CEP290: variants seen among roughly 807,000 people sequenced by gnomAD.
CEP290 encodes the protein centrosomal protein 290.
In CEP290, 317 loss-of-function variants were observed where a neutral mutation model predicts 344.9. That is an observed-to-expected ratio of 0.92 (90% CI 0.84 to 1.01). The LOEUF (loss-of-function observed/expected upper bound fraction) is 1.01, where lower values mean the gene tolerates loss of function less well. CEP290 is among the 50% of genes least tolerant of loss of function. CEP290 has a pLI of 0.00. For synonymous variants in CEP290, 932 were observed against 895.8 expected (o/e 1.04, Z -0.72); for missense variants, 2,754 against 2,761.4 (o/e 1.00, Z 0.06).
chr12:88,099,196 G>C (rs1411288119), intron 26 of CEP290, among the ~76,000 whole-genome samples: 5 of 151,972 alleles, frequency 3.3e-5, no homozygotes, highest in Non-Finnish European at 5.9e-5. Context: ...AATTACATTT[G>C]GAAAACAAAA....
chr12:88,070,901 T>C (rs1041034262), intron 43 of CEP290, among the ~76,000 whole-genome samples: 4 of 152,034 alleles, frequency 2.6e-5, no homozygotes, highest in African/African-American at 9.7e-5. Flanking sequence ...GAACTAATGG[T>C]ACATAGCTCA....
Position 88,090,794 on chromosome 12 carries a change from C to A in CEP290, c.3507G>T (p.Leu1169Phe). ...SDIARRQVEILNAQQQSRDKE... is the reference protein window; with the variant it reads ...SDIARRQVEIFNAQQQSRDKE... ...TGTCCCTAGATTGTTGTTGTGCATT[C>A]AAAATTTCAACTTGTCTTCTGGCAA... The change falls in exon 30 of 54, where the codon TTG (leucine) becomes TTT (phenylalanine). Residue 1169 changes from leucine (L) to phenylalanine (F), a missense_variant. Leu to Phe is a conservative substitution (Grantham distance 22). Transcript: ENST00000552810. 6.4e-7 allele frequency: 1 copy of A among 1,561,566 alleles called. No homozygotes were observed.
chr12:88,114,661 A>G (rs1592619465), intron 19 of CEP290, 99 bp from the exon 20 acceptor site: 1 of 1,005,264 alleles, frequency 9.9e-7, no homozygotes, highest in East Asian at 2.9e-5. Context: ...CAAAGACATC[A>G]TTGGAAAAAT....
At chr12:88,103,971 G>A (rs1175386341) in intron 25 of CEP290, 1 of 151,690 alleles carries the variant, frequency 6.6e-6, no homozygotes, top group Non-Finnish European at 1.5e-5. Context: ...TTCAATTGTT[G>A]GGAGAAAAAA....
chr12:88,131,136 G>A, intron 7 of CEP290, 29 bp downstream of exon 7: 1 of 1,467,966 alleles, frequency 6.8e-7, no homozygotes, highest in South Asian at 1.4e-5. Flanking sequence ...TACCTTTGTT[G>A]AACCACCACA....
At chr12:88,081,556 G>A (rs576596124) in intron 37 of CEP290, among the ~76,000 whole-genome samples, 1 of 152,228 alleles carries the variant, frequency 6.6e-6, no homozygotes, top group South Asian at 2.1e-4. Flanking sequence ...GTTACTCTTT[G>A]AGGCTTCTTG....
At chr12:88,085,954 T>C (rs2036543964) in intron 34 of CEP290, 85 bp downstream of exon 34, 6 of 1,237,998 alleles carry the variant, frequency 4.8e-6, no homozygotes, top group East Asian at 2.6e-5. Context: ...ATTCTATGCA[T>C]TGCCCTCATA....
chr12:88,116,882 G>C (rs1242086264), intron 18 of CEP290, 151 bp downstream of exon 18: 1 of 438,958 alleles, frequency 2.3e-6, no homozygotes, highest in East Asian at 4.8e-5. Flanking sequence ...GCTGAGGCAG[G>C]AGAATGGCAT....
intron 22 of CEP290, among the ~76,000 whole-genome samples, chr12:88,109,600 A>G (rs2038533624): frequency 6.6e-6 from 1 of 152,150 alleles, no homozygotes; most frequent in Non-Finnish European, 1.5e-5. Context: ...ACACTTGGCA[A>G]TCATTTTTAC....
chr12:88,121,512 T>A (rs901842867), intron 13 of CEP290, among the ~76,000 whole-genome samples: 1 of 151,676 alleles, frequency 6.6e-6, no homozygotes, highest in African/African-American at 2.4e-5. Context: ...GCTTGACACG[T>A]GGCCATTTGA....
chr12:88,141,194 C>G lies in CEP290; in HGVS notation c.102+12G>C. The stretch of plus-strand genomic sequence containing the variant: ...TAATGTATATATCTATTATTATTGA[C>G]CAATTAAGCACCTTGGATAAGGAAA... On this transcript the variant is annotated intron_variant, in intron 2 of 53. Coordinates refer to ENST00000552810, the MANE Select transcript of CEP290 (RefSeq NM_025114.4). 6.4e-6 allele frequency: 10 copies of G among 1,572,172 alleles called. No homozygotes were observed. The highest frequency in any genetic ancestry group is 8.7e-6 in the Non-Finnish European group (10 of 1,154,234).
intron 37 of CEP290, 58 bp from the exon 38 acceptor site, chr12:88,080,453 C>T: frequency 7.9e-6 from 10 of 1,263,516 alleles, no homozygotes; most frequent in South Asian, 1.4e-5. Context: ...TTTTTGAGAC[C>T]CAGTCTCACT....
At chr12:88,127,041 T>C (rs1036210364) in intron 11 of CEP290, among the ~76,000 whole-genome samples, 1 of 150,128 alleles carries the variant, frequency 6.7e-6, no homozygotes, top group South Asian at 2.1e-4. Flanking sequence ...TATTAAAACA[T>C]ACACAAATTA....
Position 88,086,355 on chromosome 12 carries a change from T to C in CEP290, c.4302+36A>G, listed in dbSNP as rs200189677. On this transcript the variant is annotated intron_variant, in intron 33 of 53. Coordinates refer to ENST00000552810, the MANE Select transcript of CEP290 (RefSeq NM_025114.4). ...TTCTGTGAGTTAACACTCTAGACTA[T>C]GCTACAGAGTAACAAACAAGATTAA... 652 of 1,524,124 alleles carry C rather than the reference T, an allele frequency of 4.3e-4. 4 individuals are homozygous for C. The Middle Eastern group carries it at 0.014, about 34-fold the overall frequency. The allele number at this position is 1,524,124 out of a possible 1,614,324, so 94.4% of individuals were successfully genotyped here.
chr12:88,083,733 A>T, intron 36 of CEP290, 114 bp downstream of exon 36: 1 of 692,458 alleles, frequency 1.4e-6, no homozygotes, highest in Non-Finnish European at 2.5e-6. Flanking sequence ...TTTTCAGAAG[A>T]TTATTTTGGC....
intron 12 of CEP290, 59 bp downstream of exon 12, chr12:88,126,257 G>T: frequency 7.5e-7 from 1 of 1,333,038 alleles, no homozygotes; most frequent in Non-Finnish European, 9.8e-7. Context: ...AAAAGACATC[G>T]TTCAGAGTTC....
At position 88,118,661 on chromosome 12, in the gene CEP290, G is replaced by A; in HGVS notation, c.1605C>T (p.Asn535=). ...HLKQQQYRAE[N]QILLKEIESL... The stretch of plus-strand genomic sequence containing the variant: ...CACTTGCCTCTTTCAAAAGAATCTG[G>A]TTTTCAGCTCTGTACTGCTGCTGTT... Residue 535 remains asparagine (N), a synonymous_variant, in exon 16 of 54, where the codon AAC becomes AAT. Coordinates refer to ENST00000552810, the MANE Select transcript of CEP290 (RefSeq NM_025114.4). 1.2e-6 allele frequency: 2 copies of A among 1,613,350 alleles called. No individual in the cohort carries two copies. The highest frequency in any genetic ancestry group is 1.7e-6 in the Non-Finnish European group (2 of 1,179,640).
rs45468703 is a variant in CEP290, at chr12:88,139,109, T to C, written c.297+36A>G. 21,973 of 1,072,728 alleles carry C rather than the reference T, an allele frequency of 0.02. 340 individuals are homozygous for C. Among genetic ancestry groups the C allele is most frequent in the African/African-American group, 0.049 (3,087 of 62,750 alleles). The allele number at this position is 1,072,728 out of a possible 1,614,324, so 66.5% of individuals were successfully genotyped here. Reference sequence around the variant, plus strand: ...TGAAAACAATTCAAAATAAAATTAATGACAATTACATCCTAGGGAATACAA... The same window carrying C: ...TGAAAACAATTCAAAATAAAATTAACGACAATTACATCCTAGGGAATACAA... On this transcript the variant is annotated intron_variant, in intron 5 of 53. Coordinates refer to ENST00000552810, the MANE Select transcript of CEP290 (RefSeq NM_025114.4).
chr12:88,059,561 C>A (rs2034297352), intron 48 of CEP290, among the ~76,000 whole-genome samples: 1 of 152,126 alleles, frequency 6.6e-6, no homozygotes, highest in Non-Finnish European at 1.5e-5. Flanking sequence ...GCGCCCGCCA[C>A]CACGCCCGGC....
Sources: gnomAD v4.1 joint callset for allele counts (sites outside exome capture counted in the v4.1 genomes callset) on GRCh38, gnomAD v4.1.1 for gene constraint, MANE v1.5 for transcripts, NCBI Gene and HGNC (gene_info 2026-07-23, HGNC 2026-07-21) for gene names.